The following ABCA13 variants were observed in gnomAD, a reference collection of about 807,000 sequenced individuals.
The protein encoded by ABCA13 is ATP-binding cassette sub-family A member 13.
A neutral mutation model predicts 478.7 loss-of-function variants in ABCA13; 476 were observed. The observed-to-expected ratio is 0.99, with a 90% CI of 0.92 to 1.07. The LOEUF (loss-of-function observed/expected upper bound fraction) is 1.07, where lower values mean the gene tolerates loss of function less well. Ranked by LOEUF, ABCA13 falls within the 50% of genes least tolerant of loss-of-function variation. The probability of loss-of-function intolerance (pLI) is 0.00; values close to 1 mark genes in which losing one functional copy is unlikely to be tolerated. For synonymous variants in ABCA13, 2,252 were observed against 2,158.9 expected, an observed-to-expected ratio of 1.04 and a Z score of -1.20; for missense variants, 6,060 against 5,910.6, an observed-to-expected ratio of 1.03 and a Z score of -0.83.
intron 16 of ABCA13, among the ~76,000 whole-genome samples, 152 bp from the exon 17 acceptor site, chr7:48,271,635 C>A (rs973432942): frequency 6.6e-6 from 1 of 151,968 alleles, no homozygotes; most frequent in Non-Finnish European, 1.5e-5. Flanking sequence ...ACTTTCAAAT[C>A]CTCACATTAG....
At position 48,279,016 on chromosome 7, in the gene ABCA13, A is replaced by T; in HGVS notation, c.7822A>T (p.Ile2608Leu). Residue 2608 changes from isoleucine (I) to leucine (L), a missense_variant, in exon 18 of 62, where the codon ATA (isoleucine) becomes TTA (leucine). Ile to Leu is a conservative substitution (Grantham distance 5). Around this residue, in one of 3 missense-constraint regions of ABCA13, gnomAD observed 4,423 missense variants for 4,309.1 expected, o/e 1.03. Transcript: ENST00000435803. The part of the protein sequence containing the change: ...AFEMIGVEPY[I>L]SSNSDIFSMS... ...TGAAATGATTGGGGTAGAACCTTAT[A>T]TATCATCAAACTCTGATATTTTCAG... 6.2e-7 allele frequency: 1 copy of T among 1,613,360 alleles called. No individual in the cohort carries two copies. Among genetic ancestry groups the T allele is most frequent in the East Asian group, 2.2e-5 (1 of 44,854 alleles).
At chr7:48,344,893 A>G (rs921426275) in intron 29 of ABCA13, among the ~76,000 whole-genome samples, 10 of 152,318 alleles carry the variant, frequency 6.6e-5, no homozygotes, top group South Asian at 2.1e-4. Flanking sequence ...TGCAGGAACT[A>G]TTACCCAACA....
At chr7:48,605,418 G>A (rs758595355) in intron 58 of ABCA13, among the ~76,000 whole-genome samples, 5 of 152,180 alleles carry the variant, frequency 3.3e-5, no homozygotes, top group Admixed American at 6.5e-5. Context: ...TTGTAAGGCA[G>A]CCCTGGTGGT....
intron 55 of ABCA13, among the ~76,000 whole-genome samples, chr7:48,579,595 C>A (rs1788513567): frequency 1.3e-5 from 2 of 151,796 alleles, no homozygotes; most frequent in South Asian, 4.1e-4. Context: ...AGTCTTCCCA[C>A]CTGATTCAGC....
chr7:48,455,857 T>A (rs1825611548), intron 43 of ABCA13, among the ~76,000 whole-genome samples: 1 of 152,172 alleles, frequency 6.6e-6, no homozygotes, highest in South Asian at 2.1e-4. Context: ...ACCAAATGAA[T>A]TTACGCAAGA....
intron 12 of ABCA13, 61 bp from the exon 13 acceptor site, chr7:48,245,802 A>G (rs1246045333): frequency 9.2e-6 from 14 of 1,514,274 alleles, no homozygotes; most frequent in Admixed American, 2.1e-5. Flanking sequence ...TCTTGAGCCC[A>G]TGAAGAGGGT....
intron 48 of ABCA13, among the ~76,000 whole-genome samples, chr7:48,496,969 T>G (rs887538279): frequency 1.1e-4 from 16 of 147,116 alleles, no homozygotes; most frequent in African/African-American, 2.7e-4. Flanking sequence ...AGGTTTATGG[T>G]TTTTTTTTGC....
intron 19 of ABCA13, among the ~76,000 whole-genome samples, chr7:48,283,633 G>C (rs922163230): frequency 6.6e-6 from 1 of 152,034 alleles, no homozygotes; most frequent in Admixed American, 6.6e-5. Flanking sequence ...GTGACTGCTT[G>C]AGTTAATCTA....
At chr7:48,630,186 G>A (rs892402005) in intron 59 of ABCA13, among the ~76,000 whole-genome samples, 2 of 151,808 alleles carry the variant, frequency 1.3e-5, no homozygotes, top group African/African-American at 4.8e-5. Context: ...TAGTTTTAGG[G>A]GTATAGGTGT....
intron 1 of ABCA13, among the ~76,000 whole-genome samples, chr7:48,178,336 C>T (rs146619895): frequency 3.9e-5 from 6 of 152,286 alleles, no homozygotes; most frequent in African/African-American, 1.2e-4. Flanking sequence ...TCTGGCTGTG[C>T]GGTGAGCATC....
At chr7:48,284,429 C>T (rs544442838) in intron 19 of ABCA13, among the ~76,000 whole-genome samples, 3 of 152,222 alleles carry the variant, frequency 2.0e-5, no homozygotes, top group Admixed American at 1.3e-4. Flanking sequence ...TAAAGTGTTA[C>T]AATCTAAGTA....
rs1815421720 is a variant in ABCA13, at chr7:48,387,844, A to G, written c.11358A>G (p.Pro3786=). Residue 3786 remains proline, a synonymous_variant, in exon 36 of 62, where the codon CCA becomes CCG. Coordinates refer to ENST00000435803, the MANE Select transcript of ABCA13 (RefSeq NM_152701.5). ...TAGGAACATTTGGTTTACGGAAACC[A>G]TGGTATTTCCCCTTTACTGCCTCAT... ...LIPGTFGLRK[P]WYFPFTASYW... 5 of 1,592,342 alleles carry G rather than the reference A, an allele frequency of 3.1e-6. No homozygotes were observed. Among genetic ancestry groups the G allele is most frequent in the Non-Finnish European group, 4.3e-6 (5 of 1,173,548 alleles).
intron 35 of ABCA13, among the ~76,000 whole-genome samples, chr7:48,379,914 G>A (rs568880514): frequency 3.3e-4 from 51 of 152,314 alleles, no homozygotes; most frequent in African/African-American, 1.0e-3. Flanking sequence ...TCCATTTTCT[G>A]TCTTACAATT....
In ABCA13 at chr7:48,278,088, T is replaced by TA; in HGVS notation, c.6900-6_6900-5insA. On this transcript the variant is annotated splice_polypyrimidine_tract_variant and splice_region_variant and intron_variant, in intron 17 of 61. Transcript: ENST00000435803. ...ATTAAAAGTATATATATATATATAT[T>TA]TACAGTTTTGTCCCAAAAGATAAAA... 9.1e-7 allele frequency: 1 copy of TA among 1,093,230 alleles called. No individual in the cohort carries two copies. The highest frequency in any genetic ancestry group is 1.2e-6 in the Non-Finnish European group (1 of 815,702). The allele number at this position is 1,093,230 out of a possible 1,614,324, so 67.7% of individuals were successfully genotyped here. A position where few individuals can be genotyped will look rare whatever the true frequency, so the allele number is the denominator to read the frequency against.
Position 48,452,204 on chromosome 7 carries a change from A to G in ABCA13, c.12566-2833A>G, listed in dbSNP as rs564369127. On this transcript the variant is annotated intron_variant, in intron 42 of 61. Coordinates refer to ENST00000435803, the MANE Select transcript of ABCA13 (RefSeq NM_152701.5). Reference sequence around the variant, plus strand: ...TTTACTATGACTCCGGGTCAACATTACGTTTATTCTGGCAGTTTAATAACT... The same window carrying G: ...TTTACTATGACTCCGGGTCAACATTGCGTTTATTCTGGCAGTTTAATAACT... 1.3e-4 allele frequency among the ~76,000 whole-genome samples: 20 copies of G among 152,304 alleles called. No individual in the cohort carries two copies. The South Asian group carries it at 4.1e-3, about 32-fold the overall frequency.
chr7:48,337,016 G>A (rs1276798641), intron 28 of ABCA13, among the ~76,000 whole-genome samples: 2 of 152,186 alleles, frequency 1.3e-5, no homozygotes, highest in African/African-American at 4.8e-5. Flanking sequence ...GAAGTCTATG[G>A]TGTACCTGAG....
At chr7:48,297,150 A>G in intron 21 of ABCA13, 82 bp from the exon 22 acceptor site, 1 of 1,129,942 alleles carries the variant, frequency 8.9e-7, no homozygotes, top group Non-Finnish European at 1.3e-6. Context: ...ATCTCTTGGG[A>G]GCTGAGGCAG....
intron 52 of ABCA13, among the ~76,000 whole-genome samples, chr7:48,519,601 A>T (rs1000763909): frequency 2.6e-5 from 4 of 152,172 alleles, no homozygotes; most frequent in Admixed American, 6.5e-5. Flanking sequence ...GCAAAAACTC[A>T]TGTTTTCTAA....
chr7:48,389,081 G>T lies in ABCA13; in HGVS notation c.11515G>T (p.Ala3839Ser), dbSNP rs1468127963. ...QNREGELEGS[A>S]PGVTLVSVTK... ...CAGGGAAGGAGAGCTTGAAGGAAGTGCCCCGGGAGTCACCCTGGTGTCTGT... is the reference window on the plus strand; with the variant it reads ...CAGGGAAGGAGAGCTTGAAGGAAGTTCCCCGGGAGTCACCCTGGTGTCTGT... The change falls in exon 37 of 62, where the codon GCC becomes TCC. Residue 3839 changes from alanine (A) to serine (S), a missense_variant. Ala to Ser is a moderately conservative substitution (Grantham distance 99). Coordinates refer to ENST00000435803, the MANE Select transcript of ABCA13 (RefSeq NM_152701.5). The T allele has an allele frequency of 6.2e-7, 1 of 1,613,902 alleles. No individual in the cohort carries two copies. Among genetic ancestry groups the T allele is most frequent in the Admixed American group, 1.7e-5 (1 of 60,008 alleles).
Sources: allele counts gnomAD v4.1 joint callset (sites outside exome capture counted in the v4.1 genomes callset), GRCh38; gene constraint gnomAD v4.1.1; regional missense constraint gnomAD v4.1.1; transcripts MANE v1.5; gene names NCBI Gene and HGNC (gene_info 2026-07-23, HGNC 2026-07-21).